Variants in CNGA1 observed in about 807,000 individuals in gnomAD.
CNGA1 encodes the protein cyclic nucleotide gated channel subunit alpha 1, also known as cyclic nucleotide-gated channel alpha-1.
CNGA1 carries 53 observed loss-of-function variants against 69.7 expected under a neutral mutation model. That is an observed-to-expected ratio of 0.76 (90% CI 0.61 to 0.96). CNGA1 has a LOEUF of 0.96. Ranked by LOEUF, CNGA1 falls within the 40% of genes least tolerant of loss-of-function variation. The pLI is 0.00. For missense variants in CNGA1, 739 were observed against 811.2 expected (o/e 0.91, Z 1.08); for synonymous variants, 249 against 283.5 (o/e 0.88, Z 1.22).
At chr4:48,009,842 C>T (rs1715075091) in intron 2 of CNGA1, among the ~76,000 whole-genome samples, 1 of 151,880 alleles carries the variant, frequency 6.6e-6, no homozygotes, top group Non-Finnish European at 1.5e-5. Context: ...CTAGTCTTCC[C>T]TTTTTTTTAA....
intron 6 of CNGA1, among the ~76,000 whole-genome samples, chr4:47,944,909 G>A (rs1354985345): frequency 1.3e-5 from 2 of 152,158 alleles, no homozygotes; most frequent in African/African-American, 2.4e-5. Flanking sequence ...GTAACCAAGG[G>A]TCTTAACCCA....
At chr4:47,956,984 A>T (rs1408307816) in intron 3 of CNGA1, among the ~76,000 whole-genome samples, 1 of 151,974 alleles carries the variant, frequency 6.6e-6, no homozygotes, top group East Asian at 1.9e-4. Flanking sequence ...CCCAGGCTGG[A>T]GTGCAGTAGC....
intron 2 of CNGA1, among the ~76,000 whole-genome samples, chr4:47,994,651 AT>A (rs1742407576): frequency 6.6e-6 from 1 of 152,128 alleles, no homozygotes; most frequent in South Asian, 2.1e-4. Flanking sequence ...TAAGTGGAGC[AT>A]TTTGGCCATT....
intron 3 of CNGA1, among the ~76,000 whole-genome samples, chr4:47,962,624 A>G (rs1027315180): frequency 1.3e-5 from 2 of 152,210 alleles, no homozygotes; most frequent in Non-Finnish European, 2.9e-5. Flanking sequence ...TGCCAAGAAC[A>G]TATAGCCAGA....
At chr4:47,975,601 A>G (rs1741306220) in intron 3 of CNGA1, among the ~76,000 whole-genome samples, 1 of 152,334 alleles carries the variant, frequency 6.6e-6, no homozygotes, top group East Asian at 1.9e-4. Context: ...GCATGTAAGC[A>G]TAATTAAGAG....
intron 2 of CNGA1, among the ~76,000 whole-genome samples, chr4:47,997,754 C>T (rs1426936281): frequency 2.0e-5 from 3 of 152,104 alleles, no homozygotes; most frequent in Admixed American, 1.3e-4. Flanking sequence ...TGCATTGTCT[C>T]AACACAATTT....
chr4:47,957,436 C>A (rs548579424), intron 3 of CNGA1, among the ~76,000 whole-genome samples: 84 of 152,118 alleles, frequency 5.5e-4, no homozygotes, highest in African/African-American at 1.9e-3. Context: ...ATAGCAAGAT[C>A]TCCATCTCTA....
chr4:47,958,265 CTT>C (rs989280320), intron 3 of CNGA1, among the ~76,000 whole-genome samples: 6 of 152,064 alleles, frequency 3.9e-5, no homozygotes, highest in Admixed American at 6.6e-5. Context: ...ATTCTTGACT[CTT>C]TTTGTTCTCC....
chr4:47,971,750 C>T (rs888368127), intron 3 of CNGA1, among the ~76,000 whole-genome samples: 18 of 151,976 alleles, frequency 1.2e-4, no homozygotes, highest in Non-Finnish European at 2.2e-4. Context: ...AAAAATTAGC[C>T]GGGCATGGTG....
intron 3 of CNGA1, among the ~76,000 whole-genome samples, chr4:47,974,067 T>TGTAG (rs778069204): frequency 0.013 from 1,581 of 125,268 alleles, 7 homozygotes; most frequent in East Asian, 0.032. Flanking sequence ...TAACCTGGTC[T>TGTAG]CTAGATAGAT....
intron 6 of CNGA1, among the ~76,000 whole-genome samples, chr4:47,944,279 A>G (rs998215479): frequency 1.3e-5 from 2 of 152,184 alleles, no homozygotes; most frequent in Non-Finnish European, 2.9e-5. Flanking sequence ...GGTAAGAATG[A>G]CCCAACAGAA....
intron 3 of CNGA1, among the ~76,000 whole-genome samples, chr4:47,954,130 G>T (rs1257381150): frequency 6.6e-6 from 1 of 152,038 alleles, no homozygotes; most frequent in Non-Finnish European, 1.5e-5. Flanking sequence ...AGAGCAGCAC[G>T]GCAGAGAAGG....
At chr4:47,981,168 T>C (rs150635541) in intron 3 of CNGA1, among the ~76,000 whole-genome samples, 1 of 152,330 alleles carries the variant, frequency 6.6e-6, no homozygotes, top group East Asian at 1.9e-4. Context: ...GCAGGTAGCA[T>C]TTACTATTTT....
At chr4:47,998,504 G>A (rs1560312069) in intron 2 of CNGA1, among the ~76,000 whole-genome samples, 1 of 152,212 alleles carries the variant, frequency 6.6e-6, no homozygotes, top group African/African-American at 2.4e-5. Context: ...ACTTGGCACA[G>A]TGGCTCATGC....
At chr4:47,982,329 A>T (rs565734323) in intron 2 of CNGA1, among the ~76,000 whole-genome samples, 28 of 152,324 alleles carry the variant, frequency 1.8e-4, no homozygotes, top group African/African-American at 6.5e-4. Context: ...AACAATGAAC[A>T]ACCGAGTAAC....
At chr4:47,976,323 GTATATATATATATACACATA>G (rs200485981) in intron 3 of CNGA1, among the ~76,000 whole-genome samples, 1,513 of 24,526 alleles carry the variant, frequency 0.062, 328 homozygotes, top group Non-Finnish European at 0.11. Flanking sequence ...ACATATATAT[GTATATATATATATACACATA>G]TATATATATA....
At chr4:48,006,067 A>C (rs1336296799) in intron 2 of CNGA1, among the ~76,000 whole-genome samples, 3 of 152,208 alleles carry the variant, frequency 2.0e-5, no homozygotes, top group African/African-American at 7.2e-5. Context: ...TTTTAGGCAA[A>C]AAGTTAAACA....
chr4:47,946,496 A>G (rs948064101), intron 6 of CNGA1, among the ~76,000 whole-genome samples: 1 of 152,198 alleles, frequency 6.6e-6, no homozygotes. Context: ...TACTGTCATG[A>G]CAGCCTTGAG....
At chr4:47,990,533 C>T (rs931043703) in intron 2 of CNGA1, among the ~76,000 whole-genome samples, 2 of 152,100 alleles carry the variant, frequency 1.3e-5, no homozygotes, top group African/African-American at 4.8e-5. Flanking sequence ...GGGACATAGA[C>T]CTCCATCAGT....
Sources: allele counts gnomAD v4.1 joint callset (sites outside exome capture counted in the v4.1 genomes callset), GRCh38; gene constraint gnomAD v4.1.1; transcripts MANE v1.5; gene names NCBI Gene and HGNC (gene_info 2026-07-23, HGNC 2026-07-21).